Variants in ZNF562 observed in about 807,000 individuals in gnomAD.
The protein encoded by ZNF562 is zinc finger protein 562.
Under a neutral mutation model 17.5 loss-of-function variants are expected in ZNF562, and 13 were observed. The ratio of observed to expected loss-of-function variants is 0.74; its 90% CI spans 0.48 to 1.18. The LOEUF (loss-of-function observed/expected upper bound fraction) is 1.18, where lower values mean the gene tolerates loss of function less well. Among genes scored for constraint, ZNF562 ranks in the 50% most tolerant of loss-of-function variants. The pLI is 0.00. For synonymous variants in ZNF562, 163 were observed against 165.4 expected (o/e 0.99, Z 0.11); for missense variants, 481 against 498.5 (o/e 0.96, Z 0.33).
chr19:9,660,265 A>T (rs1260320446), intron 2 of ZNF562, among the ~76,000 whole-genome samples: 1 of 151,872 alleles, frequency 6.6e-6, no homozygotes, highest in Non-Finnish European at 1.5e-5. Flanking sequence ...TCGGTCTCAA[A>T]AAATAAATAA....
intron 5 of ZNF562, among the ~76,000 whole-genome samples, chr19:9,655,115 T>C (rs2043414739): frequency 6.6e-6 from 1 of 152,064 alleles, no homozygotes; most frequent in South Asian, 2.1e-4. Context: ...CTCAGTCTCC[T>C]GAGGAGCCTG....
intron 4 of ZNF562, among the ~76,000 whole-genome samples, chr19:9,656,871 A>AAAAAAAAATATAT (rs376933513): frequency 2.1e-5 from 3 of 142,442 alleles, no homozygotes; most frequent in African/African-American, 5.2e-5. Flanking sequence ...AAAATACAAA[A>AAAAAAAAATATAT]ATATATATAT....
chr19:9,650,991 T>A lies in ZNF562; in HGVS notation c.*1958A>T. The A allele has an allele frequency of 6.9e-6, 1 of 144,312 alleles. No homozygotes were observed. Among genetic ancestry groups the A allele is most frequent in the African/African-American group, 2.7e-5 (1 of 37,020 alleles). The allele number at this position is 144,312 out of a possible 1,614,324, so 8.9% of individuals were successfully genotyped here. ...AAAAAAAAAAAAAAAAATCCTGTGT[T>A]TTTAACCTCATTGATTTAAAATTAA... On this transcript the variant is annotated 3_prime_UTR_variant, in exon 6 of 6. Coordinates refer to ENST00000453372, the MANE Select transcript of ZNF562 (RefSeq NM_001130031.2).
intron 1 of ZNF562, among the ~76,000 whole-genome samples, chr19:9,666,783 T>A (rs57889827): frequency 6.6e-6 from 1 of 151,652 alleles, no homozygotes; most frequent in African/African-American, 2.4e-5. Context: ...CTGGAAGAAA[T>A]AGACAAATTC....
At chr19:9,653,942 G>A in intron 5 of ZNF562, 61 bp from the exon 6 acceptor site, 1 of 1,422,342 alleles carries the variant, frequency 7.0e-7, no homozygotes, top group African/African-American at 1.4e-5. Flanking sequence ...TCACCCATCT[G>A]AACACAGAAA....
chr19:9,666,346 C>T (rs1216383066), intron 1 of ZNF562, among the ~76,000 whole-genome samples: 1 of 146,208 alleles, frequency 6.8e-6, no homozygotes, highest in African/African-American at 2.5e-5. Context: ...AAAAAAATTA[C>T]ACAATGGAAC....
At chr19:9,654,515 G>A (rs2043386644) in intron 5 of ZNF562, among the ~76,000 whole-genome samples, 1 of 152,006 alleles carries the variant, frequency 6.6e-6, no homozygotes, top group Non-Finnish European at 1.5e-5. Flanking sequence ...TGGCTGGAGT[G>A]CAGTGTCACG....
At chr19:9,673,955 C>T (rs1408046877) in intron 1 of ZNF562, among the ~76,000 whole-genome samples, 1 of 152,062 alleles carries the variant, frequency 6.6e-6, no homozygotes, top group East Asian at 1.9e-4. Context: ...AAAAAAAAAG[C>T]ACTCAAATAT....
chr19:9,670,140 G>A (rs1004480152), intron 1 of ZNF562, among the ~76,000 whole-genome samples: 28 of 151,972 alleles, frequency 1.8e-4, no homozygotes, highest in African/African-American at 6.8e-4. Context: ...TCAGGAAGCT[G>A]AGGTGGGAGG....
rs2074797604 is a variant in ZNF562 at position 9,645,073 on chromosome 19, G to C, written c.*7876C>G. ...GAATTTTTTTTTTTTTTTTGAGACA[G>C]AGTCTCACACTGTCACCAGGCTGGA... On this transcript the variant is annotated 3_prime_UTR_variant, in exon 6 of 6. Transcript: ENST00000453372. 1.3e-5 allele frequency: 2 copies of C among 149,052 alleles called. No individual in the cohort carries two copies. The highest frequency in any genetic ancestry group is 4.2e-4 in the South Asian group (2 of 4,736). 9.2% of individuals were successfully genotyped at this position (149,052 alleles called of 1,614,324 possible).
intron 1 of ZNF562, among the ~76,000 whole-genome samples, chr19:9,669,733 C>T (rs892633008): frequency 1.1e-4 from 9 of 84,772 alleles, no homozygotes; most frequent in Admixed American, 3.0e-4. Context: ...CGCGCGCGCG[C>T]GCACACACAC....
At position 9,660,860 on chromosome 19, in the gene ZNF562, G is replaced by T. The variant is rs984014217; in HGVS notation, c.-116C>A. On this transcript the variant is annotated 5_prime_UTR_variant, in exon 2 of 6. In the 5' UTR this introduces an upstream ATG that the reference lacks. Coordinates refer to ENST00000453372, the MANE Select transcript of ZNF562 (RefSeq NM_001130031.2). The stretch of plus-strand genomic sequence containing the variant: ...GGCAATCTCCATTCCCCTTTGTACA[G>T]GGTTATCTGAGGCCCTGTTCATACC... 9.7e-6 allele frequency: 10 copies of T among 1,033,070 alleles called. No individual in the cohort carries two copies. The Admixed American group carries it at 2.2e-4, about 22-fold the overall frequency. 64.0% of individuals were successfully genotyped at this position (1,033,070 alleles called of 1,614,324 possible). A position where few individuals can be genotyped will look rare whatever the true frequency, so the allele number is the denominator to read the frequency against.
intron 1 of ZNF562, among the ~76,000 whole-genome samples, chr19:9,673,902 G>T (rs2044301867): frequency 6.6e-6 from 1 of 152,056 alleles, no homozygotes; most frequent in Admixed American, 6.5e-5. Flanking sequence ...AGCTACTCGG[G>T]AGGCTGAGGC....
Position 9,652,988 on chromosome 19 carries a change from A to G in ZNF562, c.1242T>C (p.His414=). Residue 414 remains histidine, a synonymous_variant, in exon 6 of 6, where the codon CAT becomes CAC. Coordinates refer to ENST00000453372, the MANE Select transcript of ZNF562 (RefSeq NM_001130031.2). The part of the protein sequence containing the change: ...ECGKTFITSS[H]RSKHLKTHSG... The stretch of plus-strand genomic sequence containing the variant: ...TGTGAGTTTTCAAATGTTTACTACG[A>G]TGGGAAGAAGTAATGAAGGTCTTCC... 1 of 1,518,240 alleles carries G rather than the reference A, an allele frequency of 6.6e-7. No individual in the cohort carries two copies. Among genetic ancestry groups the G allele is most frequent in the Non-Finnish European group, 8.8e-7 (1 of 1,134,504 alleles). 94.0% of individuals were successfully genotyped at this position (1,518,240 alleles called of 1,614,324 possible).
rs1164787488 is a variant in ZNF562 at position 9,642,539 on chromosome 19, ATTG to A, written c.*10407_*10409del. ...CGATCATCCTTCCTTGGCCTCCCAC[ATTG>A]TTGGCATTACAACTGTGAGCCACTC... is the stretch of plus-strand genomic sequence containing the variant. On this transcript the variant is annotated 3_prime_UTR_variant, in exon 6 of 6. Coordinates refer to ENST00000453372, the MANE Select transcript of ZNF562 (RefSeq NM_001130031.2). The A allele has an allele frequency of 6.6e-6, 1 of 151,974 alleles. No homozygotes were observed. The highest frequency in any genetic ancestry group is 1.5e-5 in the Non-Finnish European group (1 of 68,004). The allele number at this position is 151,974 out of a possible 1,614,324, so 9.4% of individuals were successfully genotyped here. A position where few individuals can be genotyped will look rare whatever the true frequency, so the allele number is the denominator to read the frequency against.
chr19:9,667,753 C>T (rs1038574653), intron 1 of ZNF562, among the ~76,000 whole-genome samples: 1 of 145,180 alleles, frequency 6.9e-6, no homozygotes, highest in African/African-American at 2.5e-5. Context: ...ACAATGCTAA[C>T]TTTTTTTTTT....
rs1268640856 is a variant in ZNF562 at position 9,653,189 on chromosome 19, C to T, written c.1041G>A (p.Lys347=). 2.5e-6 allele frequency: 4 copies of T among 1,613,876 alleles called. No individual in the cohort carries two copies. The African/African-American group carries it at 4.0e-5, about 16-fold the overall frequency. ...THTGIKPYEC[K]ECGQAFTQYT... ...ACTGAGTGAAGGCTTGGCCACATTC[C>T]TTACATTCATAGGGTTTTATTCCAG... Residue 347 remains lysine (K), a synonymous_variant, in exon 6 of 6, where the codon AAG becomes AAA. Transcript: ENST00000453372.
chr19:9,664,060 A>ATTTGT (rs978879013), intron 1 of ZNF562, among the ~76,000 whole-genome samples: 4 of 151,386 alleles, frequency 2.6e-5, no homozygotes, highest in East Asian at 2.0e-4. Flanking sequence ...TGGTCTGTGA[A>ATTTGT]TTTGTTTTGT....
Position 9,652,273 on chromosome 19 carries a change from A to G in ZNF562, c.*676T>C, listed in dbSNP as rs2144956431. 6.6e-6 allele frequency: 1 copy of G among 152,346 alleles called. No homozygotes were observed. Among genetic ancestry groups the G allele is most frequent in the East Asian group, 1.9e-4 (1 of 5,186 alleles). 9.4% of individuals were successfully genotyped at this position (152,346 alleles called of 1,614,324 possible). A position where few individuals can be genotyped will look rare whatever the true frequency, so the allele number is the denominator to read the frequency against. On this transcript the variant is annotated 3_prime_UTR_variant, in exon 6 of 6. Transcript: ENST00000453372. Reference sequence around the variant, plus strand: ...TATTTTACAAGAAGGGGACATAGAAATAATCAGCTGTGAAAGGGCACTGGC... The same window carrying G: ...TATTTTACAAGAAGGGGACATAGAAGTAATCAGCTGTGAAAGGGCACTGGC...
Sources: allele counts gnomAD v4.1 joint callset (sites outside exome capture counted in the v4.1 genomes callset), GRCh38; gene constraint gnomAD v4.1.1; transcripts MANE v1.5; gene names NCBI Gene and HGNC (gene_info 2026-07-23, HGNC 2026-07-21).